Variants in SEMA4D observed in about 807,000 individuals in gnomAD.
SEMA4D encodes the protein semaphorin-4D.
SEMA4D carries 22 observed loss-of-function variants against 74.8 expected under a neutral mutation model. That is an observed-to-expected ratio of 0.29 (90% CI 0.21 to 0.42). The LOEUF (loss-of-function observed/expected upper bound fraction) is 0.42. SEMA4D is among the 10% of genes least tolerant of loss of function. The pLI, the probability that SEMA4D is intolerant of heterozygous loss-of-function variation, is 1.00. For synonymous variants in SEMA4D, 445 were observed against 463.7 expected, an observed-to-expected ratio of 0.96 and a Z score of 0.52; for missense variants, 937 against 1,118.4, an observed-to-expected ratio of 0.84 and a Z score of 2.31.
chr9:89,406,202 C>T (rs956708117), intron 2 of SEMA4D, among the ~76,000 whole-genome samples: 5 of 152,146 alleles, frequency 3.3e-5, no homozygotes, highest in Non-Finnish European at 7.3e-5. Context: ...AACATATGCG[C>T]ACACATATGT....
intron 1 of SEMA4D, among the ~76,000 whole-genome samples, chr9:89,471,488 CCA>C (rs1860211046): frequency 6.6e-6 from 1 of 152,244 alleles, no homozygotes; most frequent in African/African-American, 2.4e-5. Context: ...TCTCTCCCCA[CCA>C]CACTCTCCAG....
At chr9:89,377,212 C>T (rs531715117), downstream of SEMA4D, 19 of 1,074,286 alleles carry the variant, frequency 1.8e-5, no homozygotes, top group East Asian at 1.1e-4. Context: ...GCACAGCCTC[C>T]GCTAAGGAAT....
intron 6 of SEMA4D, among the ~76,000 whole-genome samples, chr9:89,393,927 T>C (rs759776558): frequency 2.6e-5 from 4 of 152,094 alleles, no homozygotes; most frequent in Non-Finnish European, 5.9e-5. Context: ...ATCTGCAAAA[T>C]GGAAATGGCA....
chr9:89,361,835 C>T (rs1832787520), exon 19 of SEMA4D: 2 of 157,646 alleles, frequency 1.3e-5, no homozygotes, highest in African/African-American at 2.4e-5. Flanking sequence ...TAGGGCAAGG[C>T]ATTTCCATGT....
chr9:89,393,118 CA>C (rs1232085146), intron 7 of SEMA4D, among the ~76,000 whole-genome samples: 6 of 152,178 alleles, frequency 3.9e-5, no homozygotes, highest in Non-Finnish European at 8.8e-5. Flanking sequence ...GCTCCATGTT[CA>C]GCTGCATTTT....
At chr9:89,371,044 T>G in intron 16 of SEMA4D, among the ~76,000 whole-genome samples, 1 of 107,448 alleles carries the variant, frequency 9.3e-6, no homozygotes, top group Admixed American at 1.1e-4. Context: ...GTGTGGTGTG[T>G]GTCAGGGGTA....
intron 2 of SEMA4D, among the ~76,000 whole-genome samples, chr9:89,406,150 G>T (rs1487770061): frequency 6.6e-6 from 1 of 152,222 alleles, no homozygotes; most frequent in Non-Finnish European, 1.5e-5. Flanking sequence ...GCTGCAGAGA[G>T]AGCTAAGATG....
chr9:89,472,249 A>G, intron 1 of SEMA4D: 2 of 319,818 alleles, frequency 6.3e-6, no homozygotes, highest in Admixed American at 3.9e-5. Flanking sequence ...GGCAGCCACC[A>G]AGGGCTGGGG....
intron 2 of SEMA4D, among the ~76,000 whole-genome samples, chr9:89,419,179 A>C (rs184646600): frequency 1.2e-3 from 186 of 152,320 alleles, no homozygotes; most frequent in South Asian, 0.011. Flanking sequence ...GAGGGCAGTG[A>C]TCAGAAACGA....
In SEMA4D at chr9:89,378,655, C is replaced by T. The variant is rs763531667; in HGVS notation, c.*49G>A. ...AACAGGAGAAACACAAAACTCTCCACGCCTGGACACGTCGCAGCCGAGGCA... is the reference window on the plus strand; with the variant it reads ...AACAGGAGAAACACAAAACTCTCCATGCCTGGACACGTCGCAGCCGAGGCA... On this transcript the variant is annotated 3_prime_UTR_variant, in exon 16 of 16. Transcript: ENST00000422704. 28 of 1,447,486 alleles carry T rather than the reference C, an allele frequency of 1.9e-5. No homozygotes were observed. In the Middle Eastern group the frequency reaches 5.3e-4, roughly 28 times the overall value. 89.7% of individuals were successfully genotyped at this position (1,447,486 alleles called of 1,614,324 possible). A position where few individuals can be genotyped will look rare whatever the true frequency, so the allele number is the denominator to read the frequency against.
chr9:89,443,539 C>G (rs1044779726), intron 2 of SEMA4D, among the ~76,000 whole-genome samples: 5 of 152,252 alleles, frequency 3.3e-5, no homozygotes, highest in African/African-American at 1.2e-4. Context: ...ACCCGGGAAG[C>G]AGGTCCGGCC....
At chr9:89,362,810 C>T (rs549298620) in intron 18 of SEMA4D, among the ~76,000 whole-genome samples, 11 of 147,908 alleles carry the variant, frequency 7.4e-5, no homozygotes, top group Non-Finnish European at 1.6e-4. Flanking sequence ...TGCTGCAGAC[C>T]CCACCGCAGG....
downstream of SEMA4D, among the ~76,000 whole-genome samples, chr9:89,375,654 C>T (rs557089047): frequency 6.4e-4 from 97 of 152,226 alleles, no homozygotes; most frequent in Admixed American, 1.0e-3. Flanking sequence ...CACTTCCTTT[C>T]TTTCTGTATC....
chr9:89,489,169 G>C (rs1458254454), intron 1 of SEMA4D, among the ~76,000 whole-genome samples: 1 of 152,212 alleles, frequency 6.6e-6, no homozygotes, highest in Non-Finnish European at 1.5e-5. Flanking sequence ...TTAGCAGTGG[G>C]AACGTAAAAT....
chr9:89,497,073 CA>C (rs1227141004), intron 1 of SEMA4D, among the ~76,000 whole-genome samples: 1 of 152,236 alleles, frequency 6.6e-6, no homozygotes, highest in African/African-American at 2.4e-5. Context: ...TCATTTGACG[CA>C]AACTGCCCAC....
chr9:89,459,085 C>A (rs1201527229), intron 1 of SEMA4D, among the ~76,000 whole-genome samples: 1 of 152,230 alleles, frequency 6.6e-6, no homozygotes, highest in African/African-American at 2.4e-5. Flanking sequence ...CACCTCCTTC[C>A]TCCTCAGCAG....
intron 1 of SEMA4D, among the ~76,000 whole-genome samples, chr9:89,470,986 T>G (rs1196974896): frequency 6.6e-6 from 1 of 152,224 alleles, no homozygotes; most frequent in Non-Finnish European, 1.5e-5. Context: ...CATCTGCACA[T>G]GTCTTAAAAC....
intron 1 of SEMA4D, among the ~76,000 whole-genome samples, chr9:89,494,330 C>G (rs1039838296): frequency 6.6e-6 from 1 of 152,212 alleles, no homozygotes; most frequent in Non-Finnish European, 1.5e-5. Context: ...CATTCACACA[C>G]GCCCCACCCT....
intron 18 of SEMA4D, among the ~76,000 whole-genome samples, chr9:89,362,790 CTCATT>C (rs1466526501): frequency 2.0e-5 from 3 of 152,066 alleles, no homozygotes; most frequent in African/African-American, 7.2e-5. Flanking sequence ...CTTTAATGCA[CTCATT>C]TGAGTGCTGC....
Sources: gnomAD v4.1 joint callset for allele counts (sites outside exome capture counted in the v4.1 genomes callset) on GRCh38, gnomAD v4.1.1 for gene constraint, MANE v1.5 for transcripts, NCBI Gene and HGNC (gene_info 2026-07-23, HGNC 2026-07-21) for gene names.